MYPN: variants seen among roughly 807,000 people sequenced by gnomAD.
MYPN encodes the protein myopalladin.
Under a neutral mutation model 129.4 loss-of-function variants are expected in MYPN, and 63 were observed. The ratio of observed to expected loss-of-function variants is 0.49; its 90% confidence interval spans 0.40 to 0.60. The LOEUF (loss-of-function observed/expected upper bound fraction) is 0.60. Ranked by LOEUF, MYPN falls within the 20% of genes least tolerant of loss-of-function variation. The pLI is 0.00. For missense variants in MYPN, 1,596 were observed against 1,635.4 expected (o/e 0.98, Z 0.42); for synonymous variants, 629 against 600.9 (o/e 1.05, Z -0.68).
At position 68,206,716 on chromosome 10, in the gene MYPN, A is replaced by G; in HGVS notation, c.3660-54A>G. The G allele has an allele frequency of 1.9e-6, 3 of 1,612,996 alleles. No homozygotes were observed. In the South Asian group the frequency reaches 3.3e-5, roughly 18 times the overall value. On this transcript the variant is annotated intron_variant, in intron 18 of 19. Coordinates refer to ENST00000358913, the MANE Select transcript of MYPN (RefSeq NM_032578.4). ...TTCTTCCTGGAACCCTAAATTTGAC[A>G]AAGGCATTTCTGCCCCCCGATAAAA...
Position 68,199,438 on chromosome 10 carries a change from A to T in MYPN, c.3356A>T (p.His1119Leu). 6.2e-7 allele frequency: 1 copy of T among 1,614,152 alleles called. No homozygotes were observed. Among genetic ancestry groups the T allele is most frequent in the South Asian group, 1.1e-5 (1 of 91,084 alleles). Residue 1119 changes from histidine to leucine, a missense_variant, in exon 17 of 20, where the codon CAC (histidine) becomes CTC (leucine). Coordinates refer to ENST00000358913, the MANE Select transcript of MYPN (RefSeq NM_032578.4). ...CAACCTGTGCTACCAGATGCCTCCC[A>T]CAAGATGCTGGTCAGGGAGACCGGA... ...NGQPVLPDASHKMLVRETGVH... is the reference protein window; with the variant it reads ...NGQPVLPDASLKMLVRETGVH...
chr10:68,148,523 G>A, intron 5 of MYPN, 56 bp downstream of exon 5: 1 of 1,354,072 alleles, frequency 7.4e-7, no homozygotes, highest in Admixed American at 1.7e-5. Flanking sequence ...CAGTCATGGT[G>A]ACCATGACCA....
chr10:68,128,670 T>C (rs2042362874), intron 2 of MYPN, among the ~76,000 whole-genome samples: 1 of 152,186 alleles, frequency 6.6e-6, no homozygotes, highest in Non-Finnish European at 1.5e-5. Flanking sequence ...GTTTATATAA[T>C]TACAATTGTG....
At position 68,150,365 on chromosome 10, in the gene MYPN, T is replaced by C. The variant is rs566940554; in HGVS notation, c.1317+254T>C. Among the ~76,000 whole-genome samples, 36 of 152,294 alleles carry C rather than the reference T, an allele frequency of 2.4e-4. No individual in the cohort carries two copies. In the South Asian group the frequency reaches 6.6e-3, roughly 28 times the overall value. On this transcript the variant is annotated intron_variant, in intron 6 of 19. Transcript: ENST00000358913. ...GTGGCCATTATACAACTGTTCAACA[T>C]AGGAGCCACCCCTAGAGGTCAAGTG... is the stretch of plus-strand genomic sequence containing the variant.
intron 19 of MYPN, among the ~76,000 whole-genome samples, chr10:68,208,302 A>G (rs2043850333): frequency 6.6e-6 from 1 of 152,196 alleles, no homozygotes; most frequent in African/African-American, 2.4e-5. Flanking sequence ...CATAGCAGGT[A>G]TTCCCTTTAT....
In MYPN at chr10:68,116,816, C is replaced by G. The variant is rs370175559; in HGVS notation, c.-1-4622C>G. ...TTTATCCATCATAAATAAATTTTCA[C>G]TTGAAAGTCATCTTAAAGTTATGAC... On this transcript the variant is annotated intron_variant, in intron 1 of 19. Transcript: ENST00000358913. Among the ~76,000 whole-genome samples, 19 of 152,296 alleles carry G rather than the reference C, an allele frequency of 1.2e-4. No homozygotes were observed. The East Asian group carries it at 3.7e-3, about 29-fold the overall frequency.
intron 1 of MYPN, among the ~76,000 whole-genome samples, chr10:68,117,892 T>C (rs558915865): frequency 2.0e-5 from 3 of 152,102 alleles, no homozygotes; most frequent in African/African-American, 7.2e-5. Context: ...TGGCTACTAC[T>C]ATTATATCTG....
chr10:68,161,469 C>T (rs897196246), intron 7 of MYPN, among the ~76,000 whole-genome samples: 2 of 150,748 alleles, frequency 1.3e-5, no homozygotes, highest in African/African-American at 2.5e-5. Context: ...GAGCTGAGAT[C>T]GTGCCATTGC....
At chr10:68,191,914 A>C (rs989800227) in intron 13 of MYPN, among the ~76,000 whole-genome samples, 2 of 152,106 alleles carry the variant, frequency 1.3e-5, no homozygotes, top group African/African-American at 4.8e-5. Flanking sequence ...TAGAGCCTAC[A>C]TTTTTCTAAA....
Position 68,145,525 on chromosome 10 carries a change from C to T in MYPN, c.1129C>T (p.Arg377Ter), listed in dbSNP as rs781261060. 3.1e-6 allele frequency: 5 copies of T among 1,611,988 alleles called. No homozygotes were observed. The highest frequency in any genetic ancestry group is 1.7e-5 in the Admixed American group (1 of 59,984). Residue 377 changes from arginine to a stop codon, truncating the protein, a stop_gained and splice_region_variant, in exon 4 of 20, where the codon CGA becomes TGA. Coordinates refer to ENST00000358913, the MANE Select transcript of MYPN (RefSeq NM_032578.4). LOFTEE classifies it high-confidence loss of function. The part of the protein sequence containing the change: ...EGDPNKEEMN[R>*]IQKPNEVSSP... ...CGACCCTAACAAGGAAGAGATGAAT[C>T]GGTAATTCTGATTTTCTGTCTTATA...
intron 18 of MYPN, among the ~76,000 whole-genome samples, chr10:68,202,325 C>T (rs2043731696): frequency 6.6e-6 from 1 of 151,774 alleles, no homozygotes; most frequent in African/African-American, 2.4e-5. Context: ...CCCAGCTACT[C>T]GGGAGGCTGA....
chr10:68,143,234 G>C (rs565574071), intron 3 of MYPN, 119 bp downstream of exon 3: 17 of 930,966 alleles, frequency 1.8e-5, no homozygotes, highest in Middle Eastern at 3.2e-4. Flanking sequence ...GGATACAGCA[G>C]TGAACCGAGT....
Position 68,203,569 on chromosome 10 carries a change from C to G in MYPN, c.3659+1575C>G, listed in dbSNP as rs2043754765. Among the ~76,000 whole-genome samples the G allele has an allele frequency of 3.3e-5, 5 of 151,972 alleles. No homozygotes were observed. The South Asian group carries it at 1.0e-3, about 32-fold the overall frequency. ...ATGCCATTGTACTCCAGCCTGGGGA[C>G]AAGCAAAACCCAGTCTCAAAAGAAA... On this transcript the variant is annotated intron_variant, in intron 18 of 19. Transcript: ENST00000358913.
At chr10:68,136,268 G>A in intron 2 of MYPN, 1 of 988,392 alleles carries the variant, frequency 1.0e-6, no homozygotes, top group African/African-American at 1.7e-5. Flanking sequence ...TGAAAGGTGG[G>A]TCCTTTTCTT....
Position 68,182,109 on chromosome 10 carries a change from G to A in MYPN, c.2703+6648G>A, listed in dbSNP as rs12248344. ...TTCTGAATAATAATGTGTCTCAAAA[G>A]TCACTTGTTTTCTGATATCTAGCCC... On this transcript the variant is annotated intron_variant, in intron 12 of 19. Transcript: ENST00000358913. Among the ~76,000 whole-genome samples, 169 of 151,262 alleles carry A rather than the reference G, an allele frequency of 1.1e-3. 1 individual carries two copies. Among genetic ancestry groups the A allele is most frequent in the African/African-American group, 3.9e-3 (162 of 41,212 alleles).
intron 2 of MYPN, among the ~76,000 whole-genome samples, chr10:68,139,091 C>G (rs2042533028): frequency 6.6e-6 from 1 of 152,154 alleles, no homozygotes; most frequent in Admixed American, 6.5e-5. Flanking sequence ...TCCTCCTGCT[C>G]CAACATGGAG....
intron 1 of MYPN, among the ~76,000 whole-genome samples, chr10:68,117,146 C>T (rs759861284): frequency 2.2e-4 from 33 of 151,452 alleles, no homozygotes; most frequent in Non-Finnish European, 3.8e-4. Flanking sequence ...ATCGCTTGAA[C>T]GTGAGAGGTG....
In MYPN at chr10:68,139,173, G is replaced by A. The variant is rs140854885; in HGVS notation, c.903-3767G>A. 1.6e-3 allele frequency among the ~76,000 whole-genome samples: 240 copies of A among 152,256 alleles called. 2 individuals are homozygous for A. In the South Asian group the frequency reaches 0.018, roughly 11 times the overall value. ...ACTAACGGCTCAGAAGAGGAGAAGT[G>A]ACCTAGTGGGGAGATCTAAAAGCTC... On this transcript the variant is annotated intron_variant, in intron 2 of 19. Coordinates refer to ENST00000358913, the MANE Select transcript of MYPN (RefSeq NM_032578.4).
intron 1 of MYPN, among the ~76,000 whole-genome samples, chr10:68,089,933 G>T (rs1210775537): frequency 2.0e-5 from 3 of 151,962 alleles, no homozygotes; most frequent in Non-Finnish European, 2.9e-5. Context: ...ATCCATTTAG[G>T]GTATCATTAG....
Sources: allele counts gnomAD v4.1 joint callset (sites outside exome capture counted in the v4.1 genomes callset), GRCh38; gene constraint gnomAD v4.1.1; transcripts MANE v1.5; gene names NCBI Gene and HGNC (gene_info 2026-07-23, HGNC 2026-07-21).